CS: variants seen among roughly 807,000 people sequenced by gnomAD.
CS encodes citrate synthase.
Under a neutral mutation model 61.4 loss-of-function variants are expected in CS, and 13 were observed. The ratio of observed to expected loss-of-function variants is 0.21; its 90% CI spans 0.14 to 0.34. CS has a LOEUF of 0.34. Ranked by LOEUF, CS falls within the 10% of genes least tolerant of loss-of-function variation. The probability of loss-of-function intolerance (pLI) is 1.00; values close to 1 mark genes in which losing one functional copy is unlikely to be tolerated. For synonymous variants in CS, 159 were observed against 215.2 expected, an observed-to-expected ratio of 0.74 and a Z score of 2.29; for missense variants, 278 against 573.4, an observed-to-expected ratio of 0.48 and a Z score of 5.26.
At chr12:56,281,274 G>A (rs1872769595) in intron 6 of CS, among the ~76,000 whole-genome samples, 1 of 152,228 alleles carries the variant, frequency 6.6e-6, no homozygotes, top group Non-Finnish European at 1.5e-5. Flanking sequence ...TTCTGAGTTT[G>A]TGGGGTACTA....
intron 1 of CS, among the ~76,000 whole-genome samples, chr12:56,296,411 G>C (rs772875164): frequency 1.3e-5 from 2 of 151,922 alleles, no homozygotes; most frequent in Admixed American, 1.3e-4. Flanking sequence ...AGCCATGTTC[G>C]CACCACTGCA....
intron 3 of CS, among the ~76,000 whole-genome samples, 193 bp from the exon 4 acceptor site, chr12:56,284,050 G>A (rs1431928977): frequency 6.6e-6 from 1 of 152,212 alleles, no homozygotes; most frequent in Non-Finnish European, 1.5e-5. Flanking sequence ...GCCAGGCACA[G>A]TGGCTGACAC....
At chr12:56,279,077 C>T (rs900188744) in intron 6 of CS, among the ~76,000 whole-genome samples, 4 of 152,046 alleles carry the variant, frequency 2.6e-5, no homozygotes, top group African/African-American at 9.7e-5. Context: ...GCCTGGCCTA[C>T]TAGCAAAACT....
chr12:56,300,305 C>A lies in CS; in HGVS notation c.-104G>T, dbSNP rs1055208644. ...ACCAGAGGCCGCGCCGACGGGTTGACAAGGTTGAAAGGAGGCGGCTGAAGG... is the reference window on the plus strand; with the variant it reads ...ACCAGAGGCCGCGCCGACGGGTTGAAAAGGTTGAAAGGAGGCGGCTGAAGG... On this transcript the variant is annotated 5_prime_UTR_variant, in exon 1 of 11. Coordinates refer to ENST00000351328, the MANE Select transcript of CS (RefSeq NM_004077.3). The A allele has an allele frequency of 7.7e-7, 1 of 1,294,420 alleles. No homozygotes were observed. Among genetic ancestry groups the A allele is most frequent in the Non-Finnish European group, 1.1e-6 (1 of 936,270 alleles). 80.2% of individuals were successfully genotyped at this position (1,294,420 alleles called of 1,614,324 possible). A position where few individuals can be genotyped will look rare whatever the true frequency, so the allele number is the denominator to read the frequency against.
In CS at chr12:56,272,090, G is replaced by GAAGCTATAA. The variant is rs1872532235; in HGVS notation, c.*993_*994insTTATAGCTT. Reference sequence around the variant, plus strand: ...CAGCCCCAGTACCTGATAATCAGAGGAGACCATGTCCAATCTTGAATCAAT... The same window carrying GAAGCTATAA: ...CAGCCCCAGTACCTGATAATCAGAGGAAGCTATAAAGACCATGTCCAATCTTGAATCAAT... On this transcript the variant is annotated 3_prime_UTR_variant, in exon 11 of 11. Transcript: ENST00000351328. 3.0e-6 allele frequency: 1 copy of GAAGCTATAA among 334,016 alleles called. No individual in the cohort carries two copies. Among genetic ancestry groups the GAAGCTATAA allele is most frequent in the Non-Finnish European group, 5.9e-6 (1 of 169,646 alleles). 20.7% of individuals were successfully genotyped at this position (334,016 alleles called of 1,614,324 possible). A position where few individuals can be genotyped will look rare whatever the true frequency, so the allele number is the denominator to read the frequency against.
At chr12:56,278,073 A>C (rs2073624849) in intron 6 of CS, among the ~76,000 whole-genome samples, 1 of 152,204 alleles carries the variant, frequency 6.6e-6, no homozygotes, top group South Asian at 2.1e-4. Flanking sequence ...AGCTAAGTTA[A>C]CTTGCACAAG....
chr12:56,276,666 T>G (rs549024813), intron 6 of CS, among the ~76,000 whole-genome samples: 2 of 152,200 alleles, frequency 1.3e-5, no homozygotes, highest in East Asian at 1.9e-4. Flanking sequence ...CTCAGCCTCC[T>G]GAGTAGCTGG....
intron 6 of CS, among the ~76,000 whole-genome samples, chr12:56,278,902 T>C (rs769035836): frequency 1.3e-5 from 2 of 152,008 alleles, no homozygotes; most frequent in Non-Finnish European, 2.9e-5. Context: ...GCCTCCTGAG[T>C]AGTTGGGATT....
intron 1 of CS, among the ~76,000 whole-genome samples, chr12:56,288,484 C>T (rs546045112): frequency 2.6e-5 from 4 of 151,514 alleles, no homozygotes; most frequent in Admixed American, 1.3e-4. Flanking sequence ...TATAGGCACA[C>T]GCCACCATGC....
At chr12:56,298,039 C>T (rs1324071794) in intron 1 of CS, among the ~76,000 whole-genome samples, 1 of 151,064 alleles carries the variant, frequency 6.6e-6, no homozygotes, top group African/African-American at 2.4e-5. Flanking sequence ...GCTCTTGTTG[C>T]CCAGGCTGGA....
chr12:56,297,680 AG>A (rs750988422), intron 1 of CS, among the ~76,000 whole-genome samples: 2 of 152,090 alleles, frequency 1.3e-5, no homozygotes, highest in African/African-American at 2.4e-5. Context: ...CTCCAGCCTG[AG>A]TGACAGAGTA....
intron 7 of CS, 67 bp downstream of exon 7, chr12:56,275,929 G>A: frequency 7.4e-7 from 1 of 1,356,984 alleles, no homozygotes. Context: ...AGAACATAAA[G>A]GAGCTTTTAA....
intron 1 of CS, among the ~76,000 whole-genome samples, chr12:56,296,474 G>T (rs1218751019): frequency 6.6e-6 from 1 of 152,076 alleles, no homozygotes; most frequent in Non-Finnish European, 1.5e-5. Context: ...AGGAACTTGT[G>T]CAGTTGAAGC....
chr12:56,281,095 T>A (rs912565308), intron 6 of CS, among the ~76,000 whole-genome samples: 1 of 152,244 alleles, frequency 6.6e-6, no homozygotes, highest in Non-Finnish European at 1.5e-5. Flanking sequence ...GTGAACTCTT[T>A]AGGGCCTTCC....
chr12:56,283,734 G>C (rs1872844896), intron 4 of CS, 58 bp downstream of exon 4: 1 of 1,328,182 alleles, frequency 7.5e-7, no homozygotes, highest in Admixed American at 1.7e-5. Flanking sequence ...TCTAATCCAC[G>C]GTTTGCGTAT....
chr12:56,294,630 G>A (rs993674074), intron 1 of CS, among the ~76,000 whole-genome samples: 45 of 151,524 alleles, frequency 3.0e-4, no homozygotes, highest in African/African-American at 1.1e-3. Flanking sequence ...GCAGTGGTGC[G>A]ATCTCGGCTC....
In CS at chr12:56,273,833, A is replaced by T. The variant is rs1872567209; in HGVS notation, c.1021-37T>A. On this transcript the variant is annotated intron_variant, in intron 9 of 10. Transcript: ENST00000351328. ...GAGGAAAAAAGATAGTATTCTCAGT[A>T]GAAATTCTTTTATTTTTCGAGACAG... 2.6e-6 allele frequency: 4 copies of T among 1,546,302 alleles called. No homozygotes were observed. In the East Asian group the frequency reaches 9.0e-5, roughly 35 times the overall value.
At chr12:56,289,454 T>C (rs1873047252) in intron 1 of CS, among the ~76,000 whole-genome samples, 1 of 152,064 alleles carries the variant, frequency 6.6e-6, no homozygotes, top group Admixed American at 6.6e-5. Context: ...AATTAATTTT[T>C]TTTTTTGAGA....
intron 3 of CS, among the ~76,000 whole-genome samples, chr12:56,284,328 A>G (rs999735720): frequency 2.7e-5 from 4 of 150,904 alleles, no homozygotes; most frequent in African/African-American, 7.3e-5. Flanking sequence ...TCAAAAAAAA[A>G]AAAAAAAAAG....
Sources: gnomAD v4.1 joint callset for allele counts (sites outside exome capture counted in the v4.1 genomes callset) on GRCh38, gnomAD v4.1.1 for gene constraint, MANE v1.5 for transcripts, NCBI Gene and HGNC (gene_info 2026-07-23, HGNC 2026-07-21) for gene names.